Variants in COG3 observed in about 807,000 individuals in gnomAD.
COG3 encodes the protein component of oligomeric golgi complex 3.
COG3 carries 32 observed loss-of-function variants against 114.1 expected under a neutral mutation model. The observed-to-expected ratio is 0.28, with a 90% CI of 0.21 to 0.38. The LOEUF is 0.38. Among genes scored for constraint, COG3 ranks in the 10% least tolerant of loss-of-function variants. The pLI, the probability that COG3 is intolerant of heterozygous loss-of-function variation, is 1.00. For missense variants in COG3, 813 were observed against 973.2 expected, an observed-to-expected ratio of 0.84 and a Z score of 2.19; for synonymous variants, 352 against 365.7, an observed-to-expected ratio of 0.96 and a Z score of 0.43.
At chr13:45,521,152 C>G (rs1593745959) in intron 19 of COG3, among the ~76,000 whole-genome samples, 1 of 151,202 alleles carries the variant, frequency 6.6e-6, no homozygotes, top group Admixed American at 6.6e-5. Flanking sequence ...GACTCTGTCT[C>G]AAAACATTTT....
intron 19 of COG3, among the ~76,000 whole-genome samples, chr13:45,522,308 T>C (rs750673550): frequency 3.3e-5 from 5 of 152,218 alleles, no homozygotes; most frequent in Non-Finnish European, 7.3e-5. Flanking sequence ...ATAGATGTAT[T>C]ACCGTGTAGA....
At chr13:45,483,861 GATATT>G (rs1322572785) in intron 7 of COG3, among the ~76,000 whole-genome samples, 29 of 152,028 alleles carry the variant, frequency 1.9e-4, no homozygotes, top group African/African-American at 7.0e-4. Context: ...CCTAATGCTT[GATATT>G]ATATTAGGAA....
chr13:45,513,198 T>A (rs866944006), intron 16 of COG3, among the ~76,000 whole-genome samples: 1 of 107,412 alleles, frequency 9.3e-6, no homozygotes, highest in Non-Finnish European at 2.0e-5. Flanking sequence ...TATATATATA[T>A]AATATATACA....
chr13:45,494,348 C>A (rs12871388), intron 12 of COG3, among the ~76,000 whole-genome samples: 8,407 of 149,166 alleles, frequency 0.056, 281 homozygotes, highest in East Asian at 0.11. Flanking sequence ...AAAAAAACAA[C>A]CTTTCAAGTA....
intron 19 of COG3, 37 bp downstream of exon 19, chr13:45,519,131 G>A (rs1350383932): frequency 6.2e-7 from 1 of 1,606,200 alleles, no homozygotes; most frequent in South Asian, 1.1e-5. Flanking sequence ...AAGTCATTTT[G>A]CATTCTTCCT....
intron 14 of COG3, among the ~76,000 whole-genome samples, chr13:45,504,466 T>C (rs1869903191): frequency 6.6e-6 from 1 of 152,234 alleles, no homozygotes; most frequent in South Asian, 2.1e-4. Context: ...GCGTTTTCTC[T>C]TTCCCCACTA....
chr13:45,494,816 G>A (rs1200159392), intron 12 of COG3, among the ~76,000 whole-genome samples: 1 of 140,642 alleles, frequency 7.1e-6, no homozygotes, highest in African/African-American at 2.7e-5. Context: ...GTGGGCCACT[G>A]TACCTGGCCA....
At chr13:45,511,285 T>G (rs1166831687) in intron 15 of COG3, among the ~76,000 whole-genome samples, 4 of 152,204 alleles carry the variant, frequency 2.6e-5, no homozygotes, top group Admixed American at 6.5e-5. Flanking sequence ...CTTTGAACAT[T>G]TATGTTATTT....
chr13:45,483,349 GA>G lies in COG3; in HGVS notation c.841del (p.Arg281GlyfsTer18). 2 of 1,577,398 alleles carry G rather than the reference GA, an allele frequency of 1.3e-6. No individual in the cohort carries two copies. The highest frequency in any genetic ancestry group is 1.2e-5 in the South Asian group (1 of 83,798). On this transcript the variant is annotated frameshift_variant, in exon 7 of 23. Transcript: ENST00000349995. LOFTEE classifies it high-confidence loss of function. ...TACAGACCCTCACAAGTCAGTTACT[GA>G]AAAGGGTGAGTTAACTGATCTCAAC... is the stretch of plus-strand genomic sequence containing the variant. ...TLQTLTSQLL[K>X]RDPSSVPNAD...
chr13:45,465,780 T>A (rs1420578926), intron 1 of COG3: 1 of 152,322 alleles, frequency 6.6e-6, no homozygotes, highest in Non-Finnish European at 1.5e-5. Flanking sequence ...TTATTTCACC[T>A]ATTGCAAAGC....
chr13:45,534,109 G>A (rs1293405831), intron 22 of COG3, among the ~76,000 whole-genome samples: 1 of 152,230 alleles, frequency 6.6e-6, no homozygotes. Context: ...GGTTGCTCCT[G>A]CAGTTGGTCA....
At position 45,516,266 on chromosome 13, in the gene COG3, A is replaced by G. The variant is rs1871525662; in HGVS notation, c.1930+3A>G. On this transcript the variant is annotated splice_donor_region_variant and intron_variant, in intron 17 of 22. Coordinates refer to ENST00000349995, the MANE Select transcript of COG3 (RefSeq NM_031431.4). ...CCTGGACCTCAAGAAAACTAGAGGT[A>G]CTTTGCTGTCCTGGCTGGCACACTT... 2 of 1,585,656 alleles carry G rather than the reference A, an allele frequency of 1.3e-6. No homozygotes were observed. The highest frequency in any genetic ancestry group is 2.7e-5 in the African/African-American group (2 of 74,806).
chr13:45,486,496 A>C lies in COG3; in HGVS notation c.845A>C (p.Asp282Ala). The change falls in exon 8 of 23, where the codon GAT becomes GCT. Residue 282 changes from aspartate to alanine, a missense_variant and splice_region_variant. This residue lies in a region of COG3 where 424 missense variants were observed against 430.6 expected (regional missense o/e 0.98). Coordinates refer to ENST00000349995, the MANE Select transcript of COG3 (RefSeq NM_031431.4). ...QTLTSQLLKR[D>A]PSSVPNADNA... ...TTATCCTCCCCCATGTTTCTTTAGG[A>C]TCCTTCATCTGTACCTAATGCAGAC... is the stretch of plus-strand genomic sequence containing the variant. The C allele has an allele frequency of 6.3e-7, 1 of 1,591,574 alleles. No individual in the cohort carries two copies. The highest frequency in any genetic ancestry group is 1.1e-5 in the South Asian group (1 of 90,586).
chr13:45,521,781 A>C (rs1204785923), intron 19 of COG3, among the ~76,000 whole-genome samples: 7 of 150,294 alleles, frequency 4.7e-5, no homozygotes, highest in Non-Finnish European at 7.4e-5. Context: ...GCAGAATCTC[A>C]TGCCTCTTTT....
chr13:45,468,258 G>A (rs1452271615), intron 1 of COG3, among the ~76,000 whole-genome samples: 1 of 152,104 alleles, frequency 6.6e-6, no homozygotes, highest in African/African-American at 2.4e-5. Flanking sequence ...TTATAAAATG[G>A]GGACTTAACT....
Position 45,486,554 on chromosome 13 carries a change from A to G in COG3, c.903A>G (p.Arg301=). The G allele has an allele frequency of 6.2e-7, 1 of 1,608,754 alleles. No individual in the cohort carries two copies. Among genetic ancestry groups the G allele is most frequent in the South Asian group, 1.1e-5 (1 of 90,970 alleles). The change falls in exon 8 of 23, where the codon CGA becomes CGG. Residue 301 remains arginine (R), a synonymous_variant. Transcript: ENST00000349995. ...TCACATTATTTTATGTGAAATTTCG[A>G]GCTGCTGCCCCCAAAGTCAGAGTAA... ...NAFTLFYVKF[R]AAAPKVRTLI... is the part of the protein sequence containing the mutation.
intron 14 of COG3, among the ~76,000 whole-genome samples, chr13:45,508,102 A>AAAGAAAGC (rs1297902160): frequency 2.1e-5 from 3 of 143,436 alleles, no homozygotes; most frequent in Non-Finnish European, 4.6e-5. Context: ...AAAAAAAAGG[A>AAAGAAAGC]AAGAAAGCAC....
At chr13:45,482,842 G>A (rs886130217) in intron 6 of COG3, among the ~76,000 whole-genome samples, 13 of 152,120 alleles carry the variant, frequency 8.5e-5, no homozygotes, top group African/African-American at 3.1e-4. Flanking sequence ...GTGTTACTTG[G>A]GGGGAAATAA....
intron 8 of COG3, among the ~76,000 whole-genome samples, chr13:45,488,024 A>T (rs12585290): frequency 0.09 from 13,631 of 152,228 alleles, 788 homozygotes; most frequent in African/African-American, 0.15. Context: ...GTATATATAA[A>T]CAATAAGATA....
Sources: allele counts gnomAD v4.1 joint callset (sites outside exome capture counted in the v4.1 genomes callset), GRCh38; gene constraint gnomAD v4.1.1; regional missense constraint gnomAD v4.1.1; transcripts MANE v1.5; gene names NCBI Gene and HGNC (gene_info 2026-07-23, HGNC 2026-07-21).